Variants in SYT9 observed in about 807,000 individuals in gnomAD.
The protein encoded by SYT9 is synaptotagmin-9.
A neutral mutation model predicts 48.4 loss-of-function variants in SYT9; 22 were observed. The ratio of observed to expected loss-of-function variants is 0.45; its 90% confidence interval spans 0.32 to 0.65. The LOEUF (loss-of-function observed/expected upper bound fraction) is 0.65. Ranked by LOEUF, SYT9 falls within the 30% of genes least tolerant of loss-of-function variation. SYT9 has a pLI of 0.03. For missense variants in SYT9, 577 were observed against 622.0 expected, an observed-to-expected ratio of 0.93 and a Z score of 0.77; for synonymous variants, 265 against 245.0, an observed-to-expected ratio of 1.08 and a Z score of -0.76.
At chr11:7,271,860 G>T (rs983693482) in intron 1 of SYT9, among the ~76,000 whole-genome samples, 5 of 152,162 alleles carry the variant, frequency 3.3e-5, no homozygotes, top group African/African-American at 1.2e-4. Flanking sequence ...ATAGGCATGA[G>T]CCACCGCACC....
intron 3 of SYT9, among the ~76,000 whole-genome samples, chr11:7,349,025 C>A (rs1849857134): frequency 6.6e-6 from 1 of 151,964 alleles, no homozygotes; most frequent in African/African-American, 2.4e-5. Flanking sequence ...GCCACACATC[C>A]AGATGTGCTT....
chr11:7,331,782 C>T (rs1489832234), intron 3 of SYT9, among the ~76,000 whole-genome samples: 2 of 152,046 alleles, frequency 1.3e-5, no homozygotes, highest in East Asian at 1.9e-4. Context: ...TATATGCACC[C>T]GGAATAGATG....
At chr11:7,404,436 G>T in intron 3 of SYT9, among the ~76,000 whole-genome samples, 1 of 151,266 alleles carries the variant, frequency 6.6e-6, no homozygotes, top group East Asian at 1.9e-4. Flanking sequence ...CATTGATTTC[G>T]TCTCCTTTTT....
chr11:7,466,488 C>T (rs1414142989), intron 6 of SYT9, among the ~76,000 whole-genome samples: 20 of 152,002 alleles, frequency 1.3e-4, no homozygotes, highest in Non-Finnish European at 1.3e-4. Context: ...TTTGGGAGGC[C>T]GAGGCAGGCA....
intron 3 of SYT9, among the ~76,000 whole-genome samples, chr11:7,379,862 C>T (rs1335891172): frequency 6.6e-6 from 1 of 152,048 alleles, no homozygotes; most frequent in African/African-American, 2.4e-5. Context: ...TTAGTATAAC[C>T]ACTATGGAGA....
intron 1 of SYT9, among the ~76,000 whole-genome samples, chr11:7,298,796 G>A (rs1848860471): frequency 1.3e-5 from 2 of 152,222 alleles, no homozygotes; most frequent in African/African-American, 2.4e-5. Flanking sequence ...TATGGCTAGA[G>A]CTAATAGCCA....
chr11:7,276,882 C>G (rs1405515603), intron 1 of SYT9, among the ~76,000 whole-genome samples: 4 of 150,520 alleles, frequency 2.7e-5, no homozygotes, highest in Non-Finnish European at 5.9e-5. Context: ...CTCATCTCTA[C>G]TAAAAATACG....
At chr11:7,259,338 G>A (rs1209892342) in intron 1 of SYT9, among the ~76,000 whole-genome samples, 1 of 151,898 alleles carries the variant, frequency 6.6e-6, no homozygotes, top group African/African-American at 2.4e-5. Context: ...CCAAGAATGG[G>A]TATACCTTTT....
intron 3 of SYT9, among the ~76,000 whole-genome samples, chr11:7,349,714 A>C (rs16925185): frequency 0.019 from 2,884 of 152,316 alleles, 122 homozygotes; most frequent in East Asian, 0.19. Flanking sequence ...ACAGAAGTGA[A>C]ATAGCTATTA....
Position 7,310,236 on chromosome 11 carries a change from C to T in SYT9, c.498-3159C>T, listed in dbSNP as rs566393704. Reference sequence around the variant, plus strand: ...GCAACCTCTGCCACCTGGGTTTAAGCGATTCTCCTGCCTCAGCCTCCCAAG... The same window carrying T: ...GCAACCTCTGCCACCTGGGTTTAAGTGATTCTCCTGCCTCAGCCTCCCAAG... On this transcript the variant is annotated intron_variant, in intron 2 of 6. Coordinates refer to ENST00000318881, the MANE Select transcript of SYT9 (RefSeq NM_175733.4). Among the ~76,000 whole-genome samples, 13 of 152,114 alleles carry T rather than the reference C, an allele frequency of 8.5e-5. No individual in the cohort carries two copies. The South Asian group carries it at 2.1e-3, about 24-fold the overall frequency.
At chr11:7,352,100 C>T (rs948500083) in intron 3 of SYT9, among the ~76,000 whole-genome samples, 2 of 152,182 alleles carry the variant, frequency 1.3e-5, no homozygotes, top group African/African-American at 2.4e-5. Context: ...GATAACTGAA[C>T]ATCCCTGAGG....
intron 3 of SYT9, among the ~76,000 whole-genome samples, chr11:7,372,386 T>C (rs956928): frequency 0.6 from 91,290 of 152,028 alleles, 27,851 homozygotes; most frequent in East Asian, 0.87. Context: ...AATCTCAGCT[T>C]GCTGTAACCT....
intron 1 of SYT9, among the ~76,000 whole-genome samples, chr11:7,275,526 G>A (rs11041295): frequency 6.6e-6 from 1 of 152,036 alleles, no homozygotes; most frequent in Admixed American, 6.5e-5. Context: ...CCCCTTAAAT[G>A]TTGGCATTTT....
At chr11:7,451,206 A>C (rs1848040925) in intron 6 of SYT9, among the ~76,000 whole-genome samples, 1 of 152,206 alleles carries the variant, frequency 6.6e-6, no homozygotes, top group African/African-American at 2.4e-5. Context: ...TAGGACATGC[A>C]CTGAATAATA....
intron 5 of SYT9, among the ~76,000 whole-genome samples, chr11:7,420,117 C>T (rs2134103564): frequency 6.6e-6 from 1 of 152,274 alleles, no homozygotes; most frequent in East Asian, 1.9e-4. Context: ...AAAACTGCTC[C>T]CTCACCCATG....
At chr11:7,408,976 G>GTAGTAGT (rs1334422355) in intron 3 of SYT9, among the ~76,000 whole-genome samples, 1 of 152,114 alleles carries the variant, frequency 6.6e-6, no homozygotes, top group Non-Finnish European at 1.5e-5. Flanking sequence ...TGAGAAGAAA[G>GTAGTAGT]GCTTTCATCT....
intron 6 of SYT9, among the ~76,000 whole-genome samples, chr11:7,429,051 G>C (rs1443336912): frequency 6.6e-6 from 1 of 152,136 alleles, no homozygotes; most frequent in Non-Finnish European, 1.5e-5. Flanking sequence ...AAAAGCAGAA[G>C]GGAACCTCAC....
chr11:7,305,620 G>A (rs1176611484), intron 2 of SYT9, among the ~76,000 whole-genome samples: 1 of 152,092 alleles, frequency 6.6e-6, no homozygotes, highest in Non-Finnish European at 1.5e-5. Context: ...TTTGGGGAGG[G>A]GAAAGGTAAG....
chr11:7,313,551 C>T lies in SYT9; in HGVS notation c.654C>T (p.Ser218=). 6.2e-7 allele frequency: 1 copy of T among 1,614,154 alleles called. No homozygotes were observed. The highest frequency in any genetic ancestry group is 8.5e-7 in the Non-Finnish European group (1 of 1,180,010). Residue 218 remains serine (S), a synonymous_variant, in exon 3 of 7, where the codon AGC becomes AGT. Coordinates refer to ENST00000318881, the MANE Select transcript of SYT9 (RefSeq NM_175733.4). ...LDNDDGRRSN[S]KACGKLNFIL... ...ATGATGACGGGAGACGGAGTAACAG[C>T]AAGGCTTGTGGGAAACTGAACTTCA... is the stretch of plus-strand genomic sequence containing the variant.
Sources: gnomAD v4.1 joint callset for allele counts (sites outside exome capture counted in the v4.1 genomes callset) on GRCh38, gnomAD v4.1.1 for gene constraint, MANE v1.5 for transcripts, NCBI Gene and HGNC (gene_info 2026-07-23, HGNC 2026-07-21) for gene names.